The following KLC1 variants were observed in gnomAD, a reference collection of about 807,000 sequenced individuals.
KLC1 encodes the protein kinesin 2 60/70kDa.
KLC1 carries 30 observed loss-of-function variants against 84.2 expected under a neutral mutation model. That is an observed-to-expected ratio of 0.36 (90% confidence interval 0.27 to 0.48). The LOEUF (loss-of-function observed/expected upper bound fraction) is 0.48, where lower values mean the gene tolerates loss of function less well. Among genes scored for constraint, KLC1 ranks in the 20% least tolerant of loss-of-function variants. KLC1 has a pLI of 0.99. For synonymous variants in KLC1, 289 were observed against 293.3 expected (o/e 0.99, Z 0.15); for missense variants, 499 against 805.4 (o/e 0.62, Z 4.60).
In KLC1 at chr14:103,694,773, C is replaced by T. The variant is rs1015256609; in HGVS notation, c.1848+2348C>T. ...AGCAGAGGCTCACACTTGTCACCTT[C>T]AGCCTCTAGAAGCTCCCCGTGGGGC... On this transcript the variant is annotated intron_variant, in intron 15 of 16. Coordinates refer to ENST00000334553, the MANE Select transcript of KLC1 (RefSeq NM_001394837.1). The surrounding 1 kb of genome is among the most constrained non-coding windows in gnomAD (Gnocchi z 4.5). 36 of 985,402 alleles carry T rather than the reference C, an allele frequency of 3.7e-5. No homozygotes were observed. The highest frequency in any genetic ancestry group is 4.7e-5 in the South Asian group (1 of 21,296). The allele number at this position is 985,402 out of a possible 1,614,324, so 61.0% of individuals were successfully genotyped here.
At chr14:103,685,567 G>A (rs920186439) in intron 13 of KLC1, 30 of 1,289,076 alleles carry the variant, frequency 2.3e-5, no homozygotes, top group Non-Finnish European at 3.0e-5. Context: ...AAGCCAGGCT[G>A]TTATGCAGAG....
At chr14:103,696,461 C>CT in intron 15 of KLC1, 1 of 983,646 alleles carries the variant, frequency 1.0e-6, no homozygotes, top group Non-Finnish European at 1.2e-6. Context: ...TTAAACATTG[C>CT]TAATGATGTA....
In KLC1 at chr14:103,642,769, GT is replaced by G. The variant is rs1301279531; in HGVS notation, c.-1-11779del. On this transcript the variant is annotated intron_variant, in intron 1 of 16. Transcript: ENST00000334553. ...AATAATGTAGTTTTTTGGTTTTTTG[GT>G]TTTTTTTTTTTTTTTGAGACGGAGT... Among the ~76,000 whole-genome samples, 419 of 139,948 alleles carry G rather than the reference GT, an allele frequency of 3.0e-3. 1 individual carries two copies. The highest frequency in any genetic ancestry group is 7.3e-3 in the African/African-American group (281 of 38,414). The allele number at this position is 139,948 out of a possible 152,430, so 91.8% of individuals were successfully genotyped here.
Position 103,701,273 on chromosome 14 carries a change from C to A in KLC1, c.*74C>A, listed in dbSNP as rs1220016644. 5.3e-6 allele frequency: 8 copies of A among 1,507,632 alleles called. No homozygotes were observed. The highest frequency in any genetic ancestry group is 1.4e-5 in the African/African-American group (1 of 72,436). The allele number at this position is 1,507,632 out of a possible 1,614,324, so 93.4% of individuals were successfully genotyped here. On this transcript the variant is annotated 3_prime_UTR_variant, in exon 17 of 17. Coordinates refer to ENST00000334553, the MANE Select transcript of KLC1 (RefSeq NM_001394837.1). ...CGGAGCTGGCCCGGGACAGCCAGGG[C>A]GGCAGGGAGGGCCCCTGGCCGGGAG...
chr14:103,684,596 A>AGGAG lies in KLC1; in HGVS notation c.1651-2483_1651-2480dup, dbSNP rs2081627709. ...GGTCTGGGTCTGCAGAGGCTCAGGGAGGAGGAGGCAGCTGGGTCGGACCCC... is the reference window on the plus strand; with the variant it reads ...GGTCTGGGTCTGCAGAGGCTCAGGGAGGAGGGAGGAGGCAGCTGGGTCGGACCCC... On this transcript the variant is annotated intron_variant, in intron 13 of 16. Coordinates refer to ENST00000334553, the MANE Select transcript of KLC1 (RefSeq NM_001394837.1). Among the ~76,000 whole-genome samples, 4 of 152,110 alleles carry AGGAG rather than the reference A, an allele frequency of 2.6e-5. No homozygotes were observed. In the South Asian group the frequency reaches 8.3e-4, roughly 32 times the overall value.
At chr14:103,679,630 G>T (rs776566768) in intron 13 of KLC1, 85 bp downstream of exon 13, 2 of 961,440 alleles carry the variant, frequency 2.1e-6, no homozygotes, top group South Asian at 1.5e-5. Flanking sequence ...TCATGTGCTA[G>T]ACCTTCTGCT....
intron 7 of KLC1, among the ~76,000 whole-genome samples, chr14:103,671,997 T>G (rs1329222739): frequency 3.9e-5 from 6 of 152,162 alleles, no homozygotes; most frequent in Non-Finnish European, 8.8e-5. Context: ...GAGTTGGTGA[T>G]TTACAGATCA....
chr14:103,636,160 G>A (rs1488405048), intron 1 of KLC1, among the ~76,000 whole-genome samples: 2 of 151,718 alleles, frequency 1.3e-5, no homozygotes, highest in African/African-American at 4.8e-5. Flanking sequence ...CTCCTCCCTC[G>A]CCCTCCCCCG....
At chr14:103,681,883 A>T (rs1283147012) in intron 13 of KLC1, among the ~76,000 whole-genome samples, 2 of 152,238 alleles carry the variant, frequency 1.3e-5, no homozygotes, top group Non-Finnish European at 2.9e-5. Context: ...AACACGGTTC[A>T]GGTCAGCACA....
At chr14:103,685,793 TG>T in intron 13 of KLC1, 1 of 1,225,558 alleles carries the variant, frequency 8.2e-7, no homozygotes, top group Non-Finnish European at 1.0e-6. Flanking sequence ...CTTTCGGTGC[TG>T]CTGTCCTTTT....
At chr14:103,656,665 G>A (rs1203113035) in intron 2 of KLC1, among the ~76,000 whole-genome samples, 4 of 152,102 alleles carry the variant, frequency 2.6e-5, no homozygotes, top group Non-Finnish European at 5.9e-5. Context: ...TATTGTGAAC[G>A]TATTATTTCT....
At chr14:103,663,011 A>G in intron 5 of KLC1, 84 bp downstream of exon 5, 3 of 894,796 alleles carry the variant, frequency 3.4e-6, no homozygotes, top group South Asian at 3.7e-5. Context: ...ATTTTTATGT[A>G]TCTGTATAAA....
At position 103,679,542 on chromosome 14, in the gene KLC1, C is replaced by A. The variant is rs773878867; in HGVS notation, c.1647C>A (p.Asn549Lys). The A allele has an allele frequency of 4.3e-6, 7 of 1,613,102 alleles. No homozygotes were observed. The highest frequency in any genetic ancestry group is 1.7e-5 in the Admixed American group (1 of 60,006). The change falls in exon 13 of 17, where the codon AAC becomes AAA. Residue 549 changes from asparagine (N) to lysine (K), a missense_variant. By Grantham distance (94) the Asn-to-Lys change is moderately conservative. Coordinates refer to ENST00000334553, the MANE Select transcript of KLC1 (RefSeq NM_001394837.1). Reference protein sequence around the residue: ...GEEVSMSVEWNGDGTGSLKRS... With the variant: ...GEEVSMSVEWKGDGTGSLKRS... ...AAGTGAGTATGAGCGTAGAGTGGAA[C>A]GGGGTAAGTACAGTACACAGCGGGC...
chr14:103,639,499 G>A (rs2077327698), intron 1 of KLC1, among the ~76,000 whole-genome samples: 1 of 152,078 alleles, frequency 6.6e-6, no homozygotes, highest in South Asian at 2.1e-4. Context: ...CTGGAGTATA[G>A]TGGTACAGCC....
At chr14:103,676,934 G>A (rs966878453) in intron 11 of KLC1, among the ~76,000 whole-genome samples, 2 of 152,204 alleles carry the variant, frequency 1.3e-5, no homozygotes, top group African/African-American at 4.8e-5. Flanking sequence ...GGTACATGAA[G>A]CATTTATCCT....
At chr14:103,656,208 T>A (rs1050642495) in intron 2 of KLC1, among the ~76,000 whole-genome samples, 3 of 152,302 alleles carry the variant, frequency 2.0e-5, no homozygotes, top group East Asian at 1.9e-4. Context: ...ACCTTATGGC[T>A]GTACCTGGGT....
In KLC1 at chr14:103,677,426, C is replaced by G; in HGVS notation, c.1391C>G (p.Thr464Arg). The G allele has an allele frequency of 6.2e-7, 1 of 1,610,156 alleles. No homozygotes were observed. Among genetic ancestry groups the G allele is most frequent in the Non-Finnish European group, 8.5e-7 (1 of 1,176,432 alleles). The change falls in exon 12 of 17, where the codon ACA becomes AGA. Residue 464 changes from threonine to arginine, a missense_variant. Thr to Arg is a moderately conservative substitution (Grantham distance 71). Around this residue, in one of 3 missense-constraint regions of KLC1, gnomAD observed 153 missense variants for 332.4 expected, o/e 0.46. Coordinates refer to ENST00000334553, the MANE Select transcript of KLC1 (RefSeq NM_001394837.1). The part of the protein sequence containing the change: ...KACKVDSPTV[T>R]TTLKNLGALY... ...GTGCTTTCTTACAGTCCAACTGTTA[C>G]AACCACTCTAAAAAACCTTGGGGCA...
chr14:103,689,963 T>G (rs969382351), intron 14 of KLC1, among the ~76,000 whole-genome samples: 3 of 152,088 alleles, frequency 2.0e-5, no homozygotes, highest in African/African-American at 7.2e-5. Flanking sequence ...GTGGATCACT[T>G]GAGATCAGGA....
intron 1 of KLC1, among the ~76,000 whole-genome samples, chr14:103,636,410 G>C (rs1212837068): frequency 6.6e-6 from 1 of 151,948 alleles, no homozygotes; most frequent in Non-Finnish European, 1.5e-5. Flanking sequence ...TAGTAGAGAT[G>C]GGTTTCTCCA....
Sources: allele counts gnomAD v4.1 joint callset (sites outside exome capture counted in the v4.1 genomes callset), GRCh38; gene constraint gnomAD v4.1.1; regional missense constraint gnomAD v4.1.1; non-coding constraint Gnocchi (gnomAD v3.1); transcripts MANE v1.5; gene names NCBI Gene and HGNC (gene_info 2026-07-23, HGNC 2026-07-21).